MPPED2: variants seen among roughly 807,000 people sequenced by gnomAD.
MPPED2 encodes metallophosphoesterase domain containing 2.
Under a neutral mutation model 33.0 loss-of-function variants are expected in MPPED2, and 5 were observed. That is an observed-to-expected ratio of 0.15 (90% CI 0.08 to 0.32). MPPED2 has a LOEUF of 0.32. Ranked by LOEUF, MPPED2 falls within the 10% of genes least tolerant of loss-of-function variation. MPPED2 has a pLI of 1.00. For synonymous variants in MPPED2, 136 were observed against 141.9 expected, an observed-to-expected ratio of 0.96 and a Z score of 0.29; for missense variants, 275 against 372.1, an observed-to-expected ratio of 0.74 and a Z score of 2.15.
At chr11:30,569,490 G>A (rs1368396034) in intron 2 of MPPED2, among the ~76,000 whole-genome samples, 5 of 151,992 alleles carry the variant, frequency 3.3e-5, no homozygotes, top group African/African-American at 1.2e-4. Context: ...CAATGCTACC[G>A]GCTGTACCCA....
At chr11:30,505,390 G>A (rs1004250036) in intron 3 of MPPED2, among the ~76,000 whole-genome samples, 6 of 152,082 alleles carry the variant, frequency 3.9e-5, no homozygotes, top group South Asian at 2.1e-4. Flanking sequence ...CTTCCCAACC[G>A]AGTATCTCTA....
At chr11:30,521,017 C>T (rs755579923) in intron 3 of MPPED2, among the ~76,000 whole-genome samples, 18 of 152,124 alleles carry the variant, frequency 1.2e-4, no homozygotes, top group Non-Finnish European at 2.2e-4. Context: ...TGAAAATGCA[C>T]AACTATCCCC....
chr11:30,563,140 C>T (rs935029994), intron 2 of MPPED2, among the ~76,000 whole-genome samples: 3 of 151,792 alleles, frequency 2.0e-5, no homozygotes, highest in East Asian at 1.9e-4. Context: ...TGACACCCAG[C>T]TTCCCCCAGA....
At chr11:30,493,960 C>G (rs868014599) in intron 4 of MPPED2, among the ~76,000 whole-genome samples, 2 of 152,290 alleles carry the variant, frequency 1.3e-5, no homozygotes, top group South Asian at 2.1e-4. Context: ...TCTTGTCTGG[C>G]CTCCAAGGAT....
intron 2 of MPPED2, among the ~76,000 whole-genome samples, chr11:30,551,217 C>T (rs1035211885): frequency 2.0e-5 from 3 of 152,174 alleles, no homozygotes; most frequent in African/African-American, 7.2e-5. Flanking sequence ...TATTCCCACG[C>T]TTAGGCACCA....
At chr11:30,495,088 C>T (rs1016245827) in intron 4 of MPPED2, 13 of 568,458 alleles carry the variant, frequency 2.3e-5, no homozygotes, top group Non-Finnish European at 4.1e-5. Flanking sequence ...GCTTTAACTC[C>T]TATTGATCTT....
chr11:30,419,179 C>T (rs1430357538), intron 4 of MPPED2, among the ~76,000 whole-genome samples: 1 of 152,174 alleles, frequency 6.6e-6, no homozygotes, highest in Non-Finnish European at 1.5e-5. Flanking sequence ...TGTATTAACT[C>T]ATTTAAGCCT....
At chr11:30,408,910 T>C (rs1368594056), downstream of MPPED2, among the ~76,000 whole-genome samples, 1 of 152,174 alleles carries the variant, frequency 6.6e-6, no homozygotes, top group Non-Finnish European at 1.5e-5. Flanking sequence ...TAAGGCCCAG[T>C]GTAGAAAGCT....
downstream of MPPED2, among the ~76,000 whole-genome samples, chr11:30,407,857 C>A (rs183137928): frequency 6.6e-6 from 1 of 151,568 alleles, no homozygotes; most frequent in Non-Finnish European, 1.5e-5. Flanking sequence ...GGTGGCAAAG[C>A]GAGACTCTGT....
chr11:30,578,126 G>C (rs1438459744), intron 2 of MPPED2, among the ~76,000 whole-genome samples: 2 of 152,150 alleles, frequency 1.3e-5, no homozygotes, highest in Non-Finnish European at 2.9e-5. Context: ...GAAACGGATA[G>C]GTAGAAAAGG....
chr11:30,443,231 T>C (rs912553658), intron 4 of MPPED2, among the ~76,000 whole-genome samples: 4 of 152,184 alleles, frequency 2.6e-5, no homozygotes, highest in African/African-American at 4.8e-5. Context: ...GTAAACATAA[T>C]AGCAGTTAAC....
chr11:30,559,608 C>T (rs1271129335), intron 2 of MPPED2, among the ~76,000 whole-genome samples: 3 of 152,064 alleles, frequency 2.0e-5, no homozygotes, highest in Non-Finnish European at 4.4e-5. Flanking sequence ...AATATGGGAA[C>T]ACAAAATTGC....
In MPPED2 at chr11:30,410,624, A is replaced by C. The variant is rs552644400; in HGVS notation, c.*844T>G. 2.0e-6 allele frequency: 2 copies of C among 985,802 alleles called. No individual in the cohort carries two copies. Among genetic ancestry groups the C allele is most frequent in the East Asian group, 2.3e-4 (2 of 8,818 alleles). 61.1% of individuals were successfully genotyped at this position (985,802 alleles called of 1,614,324 possible). On this transcript the variant is annotated 3_prime_UTR_variant, in exon 7 of 7. Transcript: ENST00000358117. Reference sequence around the variant, plus strand: ...ATGTGTCAGTTCCTTCCGACTTCTGATGTGTTGCTATACAGCATCCCTTTG... The same window carrying C: ...ATGTGTCAGTTCCTTCCGACTTCTGCTGTGTTGCTATACAGCATCCCTTTG...
intron 2 of MPPED2, among the ~76,000 whole-genome samples, chr11:30,575,823 C>G (rs547862572): frequency 1.1e-3 from 168 of 152,250 alleles, no homozygotes; most frequent in African/African-American, 4.0e-3. Flanking sequence ...TGAGACACTC[C>G]TAGGCTGTTT....
At chr11:30,424,864 C>T (rs1164386711) in intron 4 of MPPED2, among the ~76,000 whole-genome samples, 1 of 152,036 alleles carries the variant, frequency 6.6e-6, no homozygotes, top group Non-Finnish European at 1.5e-5. Context: ...ACACACACAC[C>T]AATTGACATC....
At chr11:30,390,415 T>C (rs899306246) in intron 6 of MPPED2, among the ~76,000 whole-genome samples, 1 of 152,234 alleles carries the variant, frequency 6.6e-6, no homozygotes. Flanking sequence ...GCCTCAAATG[T>C]TGACAGCCTA....
chr11:30,496,340 TAA>T (rs1164253211), intron 3 of MPPED2, among the ~76,000 whole-genome samples: 1 of 152,200 alleles, frequency 6.6e-6, no homozygotes, highest in Non-Finnish European at 1.5e-5. Flanking sequence ...TACATATTAA[TAA>T]CTCACCGTGA....
chr11:30,459,400 A>G (rs1445186303), intron 4 of MPPED2, among the ~76,000 whole-genome samples: 2 of 152,140 alleles, frequency 1.3e-5, no homozygotes, highest in Non-Finnish European at 2.9e-5. Context: ...CAACATCACT[A>G]TGACAACTCT....
rs570682342 is a variant in MPPED2 at position 30,529,176 on chromosome 11, A to T, written c.310+6818T>A. Reference sequence around the variant, plus strand: ...TTACACTCATAGTTTTATCAATTTTAAAAAATAGTCCTTAATAAAGACCCT... The same window carrying T: ...TTACACTCATAGTTTTATCAATTTTTAAAAATAGTCCTTAATAAAGACCCT... On this transcript the variant is annotated intron_variant, in intron 3 of 6. Transcript: ENST00000358117. Among the ~76,000 whole-genome samples, 44 of 152,310 alleles carry T rather than the reference A, an allele frequency of 2.9e-4. No individual in the cohort carries two copies. In the East Asian group the frequency reaches 8.1e-3, roughly 28 times the overall value.
Sources: allele counts gnomAD v4.1 joint callset (sites outside exome capture counted in the v4.1 genomes callset), GRCh38; gene constraint gnomAD v4.1.1; transcripts MANE v1.5; gene names NCBI Gene and HGNC (gene_info 2026-07-23, HGNC 2026-07-21).